Variants in CSMD1 observed in about 807,000 individuals in gnomAD.
CSMD1 encodes the protein CUB and Sushi multiple domains 1, also known as CUB and sushi domain-containing protein 1.
In CSMD1, 213 loss-of-function variants were observed where a neutral mutation model predicts 417.5. That is an observed-to-expected ratio of 0.51 (90% CI 0.46 to 0.57). The LOEUF (loss-of-function observed/expected upper bound fraction) is 0.57, where lower values mean the gene tolerates loss of function less well. Among genes scored for constraint, CSMD1 ranks in the 20% least tolerant of loss-of-function variants. CSMD1 has a pLI of 0.00. For synonymous variants in CSMD1, 2,862 were observed against 1,736.8 expected, an observed-to-expected ratio of 1.65 and a Z score of -16.11; for missense variants, 6,923 against 4,529.7, an observed-to-expected ratio of 1.53 and a Z score of -15.17.
chr8:4,073,634 G>A (rs756299813), intron 3 of CSMD1, among the ~76,000 whole-genome samples: 4 of 152,040 alleles, frequency 2.6e-5, no homozygotes, highest in Non-Finnish European at 5.9e-5. Context: ...GAATTTTAAT[G>A]AATTTATTCT....
At chr8:4,927,816 C>T (rs1410539408) in intron 1 of CSMD1, among the ~76,000 whole-genome samples, 2 of 152,174 alleles carry the variant, frequency 1.3e-5, no homozygotes, top group Admixed American at 1.3e-4. Context: ...CCTTCTCACA[C>T]TCACCAGCAA....
At chr8:4,510,813 A>C (rs1366432328) in intron 2 of CSMD1, among the ~76,000 whole-genome samples, 3,702 of 34,924 alleles carry the variant, frequency 0.11, no homozygotes, top group Non-Finnish European at 0.12. Context: ...CCCTTCCTTC[A>C]CTCCCTCCCT....
At chr8:3,789,442 G>GTT (rs34045957) in intron 5 of CSMD1, among the ~76,000 whole-genome samples, 31 of 115,628 alleles carry the variant, frequency 2.7e-4, no homozygotes, top group African/African-American at 3.2e-4. Flanking sequence ...TTTTTTAAGT[G>GTT]TTTTTTTTTT....
At chr8:3,396,118 T>C in intron 17 of CSMD1, 76 bp downstream of exon 17, 1 of 1,293,966 alleles carries the variant, frequency 7.7e-7, no homozygotes, top group Non-Finnish European at 1.1e-6. Flanking sequence ...ATCTGCAGGC[T>C]GGAAATAAGA....
chr8:3,441,964 C>G (rs973336620), intron 12 of CSMD1, among the ~76,000 whole-genome samples: 1 of 151,806 alleles, frequency 6.6e-6, no homozygotes, highest in Non-Finnish European at 1.5e-5. Context: ...CGAAGACTTT[C>G]CAGTGGGACA....
intron 11 of CSMD1, among the ~76,000 whole-genome samples, chr8:3,476,868 A>C (rs1817457713): frequency 6.8e-6 from 1 of 147,752 alleles, no homozygotes; most frequent in Non-Finnish European, 1.5e-5. Flanking sequence ...CAGTGAGCCA[A>C]GACCGTGTCA....
Position 3,807,602 on chromosome 8 carries a change from A to C in CSMD1, c.819-53560T>G, listed in dbSNP as rs564711258. Reference sequence around the variant, plus strand: ...ACAAAGCCACAATTTCTTTGTGTTTAAATAACATAATTGTGTTTCAGTTGT... The same window carrying C: ...ACAAAGCCACAATTTCTTTGTGTTTCAATAACATAATTGTGTTTCAGTTGT... On this transcript the variant is annotated intron_variant, in intron 5 of 69. Coordinates refer to ENST00000635120, the MANE Select transcript of CSMD1 (RefSeq NM_033225.6). Among the ~76,000 whole-genome samples the C allele has an allele frequency of 7.9e-5, 12 of 152,322 alleles. No individual in the cohort carries two copies. In the South Asian group the frequency reaches 2.5e-3, roughly 32 times the overall value.
intron 3 of CSMD1, among the ~76,000 whole-genome samples, chr8:4,244,412 G>C (rs1241001661): frequency 1.3e-5 from 2 of 152,118 alleles, no homozygotes; most frequent in Non-Finnish European, 2.9e-5. Context: ...CATAAAACTA[G>C]TAGAAAAGCA....
chr8:4,977,755 A>G (rs186664070), intron 1 of CSMD1, among the ~76,000 whole-genome samples: 37 of 152,330 alleles, frequency 2.4e-4, no homozygotes, highest in Non-Finnish European at 8.8e-5. Context: ...AGGCAGGTTC[A>G]CCTGCTAGAG....
At chr8:3,940,620 C>T (rs1412510273) in intron 5 of CSMD1, among the ~76,000 whole-genome samples, 2 of 151,342 alleles carry the variant, frequency 1.3e-5, no homozygotes, top group Non-Finnish European at 2.9e-5. Flanking sequence ...ACAACACTGC[C>T]AATCAATATG....
At chr8:2,947,163 T>G (rs1802300100) in intron 68 of CSMD1, among the ~76,000 whole-genome samples, 1 of 152,210 alleles carries the variant, frequency 6.6e-6, no homozygotes, top group Non-Finnish European at 1.5e-5. Flanking sequence ...CTCTCATTCT[T>G]TGTGTGTATG....
intron 3 of CSMD1, among the ~76,000 whole-genome samples, chr8:4,072,704 T>A (rs533033423): frequency 6.6e-6 from 1 of 152,216 alleles, no homozygotes; most frequent in Non-Finnish European, 1.5e-5. Flanking sequence ...ACTCTGTGAA[T>A]TGGGAATACA....
rs747875853 is a variant in CSMD1 at position 4,050,404 on chromosome 8, AATTTT to A, written c.416-18310_416-18306del. On this transcript the variant is annotated intron_variant, in intron 3 of 69. Transcript: ENST00000635120. ...AACTTTTTTAATTTTTAATTTTTAA[AATTTT>A]ATTTAATTTTTGTTTTTTGCATATA... Among the ~76,000 whole-genome samples the A allele has an allele frequency of 6.6e-4, 100 of 152,208 alleles. 1 individual carries two copies. Among genetic ancestry groups the A allele is most frequent in the Admixed American group, 2.9e-3 (44 of 15,290 alleles).
intron 3 of CSMD1, among the ~76,000 whole-genome samples, chr8:4,061,281 A>C (rs1438467546): frequency 1.3e-5 from 2 of 152,232 alleles, no homozygotes; most frequent in South Asian, 2.1e-4. Flanking sequence ...TTGACTTCAC[A>C]GAGAGGTACA....
chr8:4,553,681 CACT>C (rs1399678985), intron 2 of CSMD1, among the ~76,000 whole-genome samples: 2 of 152,118 alleles, frequency 1.3e-5, no homozygotes, highest in Non-Finnish European at 2.9e-5. Context: ...GCACATTTCC[CACT>C]ATTTTTAGGA....
intron 3 of CSMD1, among the ~76,000 whole-genome samples, chr8:4,307,717 A>G (rs891727774): frequency 6.6e-6 from 1 of 152,184 alleles, no homozygotes; most frequent in Non-Finnish European, 1.5e-5. Context: ...GCTCTTGACC[A>G]TGAGTGGGAA....
chr8:4,130,152 G>A (rs1045967389), intron 3 of CSMD1, among the ~76,000 whole-genome samples: 18 of 152,070 alleles, frequency 1.2e-4, no homozygotes, highest in Admixed American at 1.1e-3. Context: ...TTATTTTACT[G>A]AAAAAGACCC....
At chr8:4,902,607 C>T (rs1411253623) in intron 1 of CSMD1, among the ~76,000 whole-genome samples, 1 of 152,074 alleles carries the variant, frequency 6.6e-6, no homozygotes, top group Admixed American at 6.5e-5. Context: ...ATCCTTTGAC[C>T]ATTGTAATAT....
intron 3 of CSMD1, among the ~76,000 whole-genome samples, chr8:4,051,661 A>G (rs1798430109): frequency 1.3e-5 from 2 of 152,112 alleles, no homozygotes; most frequent in African/African-American, 2.4e-5. Context: ...GGTGAGCAGG[A>G]TAAATTTTCT....
Sources: gnomAD v4.1 joint callset for allele counts (sites outside exome capture counted in the v4.1 genomes callset) on GRCh38, gnomAD v4.1.1 for gene constraint, MANE v1.5 for transcripts, NCBI Gene and HGNC (gene_info 2026-07-23, HGNC 2026-07-21) for gene names.